The following CNTLN variants were observed in gnomAD, a reference collection of about 807,000 sequenced individuals.
CNTLN encodes the protein centlein.
A neutral mutation model predicts 180.0 loss-of-function variants in CNTLN; 212 were observed. The ratio of observed to expected loss-of-function variants is 1.18; its 90% CI spans 1.05 to 1.32. CNTLN has a LOEUF of 1.32. CNTLN is among the 40% of genes most tolerant of loss of function. The pLI, the probability that CNTLN is intolerant of heterozygous loss-of-function variation, is 0.00. For missense variants in CNTLN, 2,095 were observed against 1,610.9 expected (o/e 1.30, Z -5.14); for synonymous variants, 722 against 563.1 (o/e 1.28, Z -3.99).
At chr9:17,269,729 G>A (rs1212354208) in intron 5 of CNTLN, among the ~76,000 whole-genome samples, 4 of 152,002 alleles carry the variant, frequency 2.6e-5, no homozygotes, top group African/African-American at 9.7e-5. Flanking sequence ...TGTATATTCT[G>A]TTGTTGTTGA....
In CNTLN at chr9:17,182,165, AT is replaced by A. The variant is rs34443963; in HGVS notation, c.449+38801del. ...CTAGCATGAGTGGTGGTAGGGCCAC[AT>A]TTTTTTTTTTTCCTTTGGTACTTGT... On this transcript the variant is annotated intron_variant, in intron 2 of 25. Transcript: ENST00000380647. Among the ~76,000 whole-genome samples the A allele has an allele frequency of 1.4e-3, 202 of 145,790 alleles. 3 individuals carry two copies. Among genetic ancestry groups the A allele is most frequent in the Admixed American group, 2.5e-3 (37 of 14,710 alleles).
intron 2 of CNTLN, among the ~76,000 whole-genome samples, chr9:17,188,037 G>A (rs1319570560): frequency 6.9e-6 from 1 of 144,752 alleles, no homozygotes; most frequent in Admixed American, 6.9e-5. Context: ...TATATACACA[G>A]CATATTTATG....
chr9:17,509,079 G>C, the CNTLN span, among the ~76,000 whole-genome samples: 762 of 152,310 alleles, frequency 5.0e-3, 5 homozygotes, highest in African/African-American at 0.017. Flanking sequence ...AACCACCCCT[G>C]TCTTTGCCCA....
At chr9:17,138,436 A>G (rs962170041) in intron 1 of CNTLN, among the ~76,000 whole-genome samples, 2 of 152,210 alleles carry the variant, frequency 1.3e-5, no homozygotes, top group African/African-American at 4.8e-5. Context: ...GATGAAACCA[A>G]CTTTTGAAGC....
At chr9:17,214,946 C>T (rs1164835854) in intron 2 of CNTLN, among the ~76,000 whole-genome samples, 1 of 152,120 alleles carries the variant, frequency 6.6e-6, no homozygotes, top group Non-Finnish European at 1.5e-5. Flanking sequence ...TTCTAGTTAG[C>T]CATTTGTCTA....
intron 2 of CNTLN, among the ~76,000 whole-genome samples, chr9:17,151,269 T>C (rs542527476): frequency 6.6e-6 from 1 of 152,334 alleles, no homozygotes; most frequent in East Asian, 1.9e-4. Context: ...ATCAGTATGG[T>C]ATTGGCTATG....
At chr9:17,152,961 C>T (rs1049170733) in intron 2 of CNTLN, among the ~76,000 whole-genome samples, 7 of 152,070 alleles carry the variant, frequency 4.6e-5, no homozygotes, top group South Asian at 2.1e-4. Flanking sequence ...TCTGTTTTAT[C>T]AGAGATTAGG....
chr9:17,274,754 T>C (rs1263849267), intron 6 of CNTLN, among the ~76,000 whole-genome samples: 1 of 152,072 alleles, frequency 6.6e-6, no homozygotes, highest in Non-Finnish European at 1.5e-5. Flanking sequence ...GTAAAACTTG[T>C]CTGGGAATTT....
At position 17,236,406 on chromosome 9, in the gene CNTLN, C is replaced by G; in HGVS notation, c.670-3C>G. The stretch of plus-strand genomic sequence containing the variant: ...TATTTGCCCTTGTGGTACTGTTCTA[C>G]AGGACACTAAGGAGTGTGTACAGAA... On this transcript the variant is annotated splice_polypyrimidine_tract_variant and splice_region_variant and intron_variant, in intron 4 of 25. Transcript: ENST00000380647. 1 of 1,590,874 alleles carries G rather than the reference C, an allele frequency of 6.3e-7. No individual in the cohort carries two copies. The highest frequency in any genetic ancestry group is 8.5e-7 in the Non-Finnish European group (1 of 1,171,870).
At chr9:17,324,739 T>A (rs1344289476) in intron 8 of CNTLN, among the ~76,000 whole-genome samples, 1 of 152,104 alleles carries the variant, frequency 6.6e-6, no homozygotes, top group Non-Finnish European at 1.5e-5. Flanking sequence ...AAGTTAAAGT[T>A]TTGGAATTAA....
intron 8 of CNTLN, among the ~76,000 whole-genome samples, chr9:17,313,094 G>T (rs895193449): frequency 6.6e-6 from 1 of 152,002 alleles, no homozygotes; most frequent in Admixed American, 6.5e-5. Context: ...ATAATATTTT[G>T]TTGGCTTGAA....
intron 5 of CNTLN, among the ~76,000 whole-genome samples, chr9:17,252,144 A>T (rs891116068): frequency 2.6e-5 from 4 of 151,834 alleles, no homozygotes; most frequent in Non-Finnish European, 5.9e-5. Context: ...TGGTTTGTGG[A>T]TACTTAGGTT....
intron 2 of CNTLN, among the ~76,000 whole-genome samples, chr9:17,199,246 C>T (rs1822351611): frequency 7.0e-6 from 1 of 143,242 alleles, no homozygotes. Flanking sequence ...GAGTCTTGCC[C>T]TATTGTCCAG....
chr9:17,193,542 T>A (rs776801545), intron 2 of CNTLN, among the ~76,000 whole-genome samples: 1 of 152,164 alleles, frequency 6.6e-6, no homozygotes, highest in Non-Finnish European at 1.5e-5. Context: ...AGGTCTCACA[T>A]CCAGGTCACA....
At chr9:17,159,392 C>T (rs1322734644) in intron 2 of CNTLN, among the ~76,000 whole-genome samples, 1 of 152,074 alleles carries the variant, frequency 6.6e-6, no homozygotes, top group Non-Finnish European at 1.5e-5. Flanking sequence ...TTTGAGTGAC[C>T]CCCCAACTCT....
chr9:17,427,990 A>G (rs1829197806), intron 18 of CNTLN, among the ~76,000 whole-genome samples: 1 of 152,234 alleles, frequency 6.6e-6, no homozygotes, highest in Non-Finnish European at 1.5e-5. Context: ...GGTAAGAGAC[A>G]GAATATAATA....
intron 8 of CNTLN, among the ~76,000 whole-genome samples, chr9:17,318,457 C>G (rs1007369691): frequency 6.6e-6 from 1 of 152,090 alleles, no homozygotes; most frequent in Non-Finnish European, 1.5e-5. Context: ...TCAGTGGGTA[C>G]TTAGACTATG....
intron 23 of CNTLN, among the ~76,000 whole-genome samples, chr9:17,483,712 A>G (rs1316294809): frequency 6.6e-6 from 1 of 152,132 alleles, no homozygotes; most frequent in Non-Finnish European, 1.5e-5. Flanking sequence ...GTAGTTCTTG[A>G]TTTTTTAATG....
chr9:17,245,094 T>A (rs1825721777), intron 5 of CNTLN, among the ~76,000 whole-genome samples: 2 of 152,202 alleles, frequency 1.3e-5, no homozygotes, highest in Admixed American at 6.5e-5. Context: ...ATTACACTTT[T>A]ATAATACTCT....
Sources: allele counts gnomAD v4.1 joint callset (sites outside exome capture counted in the v4.1 genomes callset), GRCh38; gene constraint gnomAD v4.1.1; transcripts MANE v1.5; gene names NCBI Gene and HGNC (gene_info 2026-07-23, HGNC 2026-07-21).